Variants in KCNJ6 observed in about 807,000 individuals in gnomAD.
KCNJ6 encodes potassium inwardly rectifying channel subfamily J member 6.
KCNJ6 carries 9 observed loss-of-function variants against 34.2 expected under a neutral mutation model. That is an observed-to-expected ratio of 0.26 (90% CI 0.16 to 0.46). The LOEUF (loss-of-function observed/expected upper bound fraction) is 0.46. KCNJ6 is among the 20% of genes least tolerant of loss of function. KCNJ6 has a pLI of 1.00. For synonymous variants in KCNJ6, 196 were observed against 207.1 expected, an observed-to-expected ratio of 0.95 and a Z score of 0.46; for missense variants, 236 against 531.3, an observed-to-expected ratio of 0.44 and a Z score of 5.46.
chr21:37,658,099 T>C (rs950781810), intron 3 of KCNJ6, among the ~76,000 whole-genome samples: 62 of 150,986 alleles, frequency 4.1e-4, no homozygotes, highest in Admixed American at 1.3e-4. Flanking sequence ...ACAGAATTGC[T>C]TCTAACCTGG....
intron 1 of KCNJ6, among the ~76,000 whole-genome samples, chr21:37,850,589 A>G (rs988323637): frequency 2.0e-5 from 3 of 152,040 alleles, no homozygotes; most frequent in African/African-American, 4.8e-5. Flanking sequence ...GTCCGTGGAA[A>G]AATTGTCTTC....
At chr21:37,906,299 G>A (rs1353114617) in intron 1 of KCNJ6, among the ~76,000 whole-genome samples, 1 of 152,156 alleles carries the variant, frequency 6.6e-6, no homozygotes, top group Non-Finnish European at 1.5e-5. Context: ...ATCTGCCTCT[G>A]CAGTGGGCAT....
intron 2 of KCNJ6, among the ~76,000 whole-genome samples, chr21:37,743,758 A>ATTAC: frequency 6.6e-6 from 1 of 151,928 alleles, no homozygotes; most frequent in East Asian, 1.9e-4. Flanking sequence ...TCTGTTACAG[A>ATTAC]AGCTAAAAAA....
At position 37,824,366 on chromosome 21, in the gene KCNJ6, C is replaced by T. The variant is rs141007596; in HGVS notation, c.25+16292G>A. On this transcript the variant is annotated intron_variant, in intron 2 of 3. Coordinates refer to ENST00000609713, the MANE Select transcript of KCNJ6 (RefSeq NM_002240.5). ...GCAGTTTTACTTCAACCTCTCTCCT[C>T]GTGTTCAACTCCTGTCAGAAATGAC... Among the ~76,000 whole-genome samples, 130 of 152,212 alleles carry T rather than the reference C, an allele frequency of 8.5e-4. 1 individual carries two copies. Among genetic ancestry groups the T allele is most frequent in the African/African-American group, 2.9e-3 (120 of 41,538 alleles).
chr21:37,847,403 TCTCTCAGCCACGGTGCCACCTGCAA>T (rs1568870188), intron 1 of KCNJ6, among the ~76,000 whole-genome samples: 2 of 104 alleles, frequency 0.019, no homozygotes, highest in African/African-American at 0.053. Flanking sequence ...GCACCTGCAC[TCTCTCAGCCACGGTGCCACCTGCAA>T]CCCTAGGAAC....
intron 2 of KCNJ6, among the ~76,000 whole-genome samples, chr21:37,735,083 C>T (rs1306134285): frequency 1.3e-5 from 2 of 152,100 alleles, no homozygotes; most frequent in East Asian, 1.9e-4. Flanking sequence ...TGTCAGCATC[C>T]CCTATTGTCC....
intron 3 of KCNJ6, among the ~76,000 whole-genome samples, chr21:37,706,312 A>C (rs2054719289): frequency 6.6e-6 from 1 of 152,254 alleles, no homozygotes; most frequent in Non-Finnish European, 1.5e-5. Flanking sequence ...ACTGGTTTTC[A>C]AAACCATGAG....
chr21:37,715,749 A>G (rs1242170921), intron 2 of KCNJ6, among the ~76,000 whole-genome samples: 1 of 152,170 alleles, frequency 6.6e-6, no homozygotes, highest in East Asian at 1.9e-4. Context: ...GGGTGCACAC[A>G]AACAGAGGAA....
chr21:37,875,868 T>G (rs2055675634), intron 1 of KCNJ6, among the ~76,000 whole-genome samples: 1 of 152,194 alleles, frequency 6.6e-6, no homozygotes, highest in Admixed American at 6.5e-5. Flanking sequence ...TACTAAATAA[T>G]TCAGGGCTCT....
chr21:37,644,392 G>A (rs952047791), intron 3 of KCNJ6, among the ~76,000 whole-genome samples: 2 of 152,096 alleles, frequency 1.3e-5, no homozygotes, highest in Non-Finnish European at 2.9e-5. Context: ...TTAAAAAAAG[G>A]AGAACTTTTA....
At chr21:37,638,083 G>A (rs966801979) in intron 3 of KCNJ6, among the ~76,000 whole-genome samples, 2 of 152,198 alleles carry the variant, frequency 1.3e-5, no homozygotes, top group African/African-American at 2.4e-5. Context: ...CAGAGTCTAC[G>A]CTGTCAACCA....
At chr21:37,700,838 G>C (rs928098094) in intron 3 of KCNJ6, among the ~76,000 whole-genome samples, 2 of 152,118 alleles carry the variant, frequency 1.3e-5, no homozygotes, top group Non-Finnish European at 2.9e-5. Context: ...GCAGTAGAGT[G>C]TCTTGAGGAG....
At chr21:37,667,181 A>AAAAAAAAAAG (rs2054518426) in intron 3 of KCNJ6, among the ~76,000 whole-genome samples, 1 of 82,600 alleles carries the variant, frequency 1.2e-5, no homozygotes, top group Non-Finnish European at 3.2e-5. Context: ...AAAAAAAAAA[A>AAAAAAAAAAG]AAATTAAATG....
chr21:37,847,279 T>C (rs2055513696), intron 1 of KCNJ6, among the ~76,000 whole-genome samples: 1 of 152,222 alleles, frequency 6.6e-6, no homozygotes. Context: ...TGGTACTGTC[T>C]TCTCTACTTT....
chr21:37,615,241 A>ATTTTTTTTTTTTTTT lies in KCNJ6; in HGVS notation c.*9917_*9918insAAAAAAAAAAAAAAA, dbSNP rs2054262036. On this transcript the variant is annotated 3_prime_UTR_variant, in exon 4 of 4. Transcript: ENST00000609713. ...CAGACCCTCGACTGACATTCCCAGC[A>ATTTTTTTTTTTTTTT]TTCTTTTTTTTTTTTTTTTTTTTTT... The ATTTTTTTTTTTTTTT allele has an allele frequency of 6.3e-5, 7 of 111,854 alleles. 1 individual carries two copies. The highest frequency in any genetic ancestry group is 5.2e-5 in the Non-Finnish European group (3 of 57,968). The allele number at this position is 111,854 out of a possible 1,614,324, so 6.9% of individuals were successfully genotyped here.
intron 2 of KCNJ6, among the ~76,000 whole-genome samples, chr21:37,745,749 A>G (rs2054964687): frequency 6.6e-6 from 1 of 152,202 alleles, no homozygotes; most frequent in African/African-American, 2.4e-5. Flanking sequence ...ATCCTGTGCT[A>G]AGAGCTGGGT....
intron 2 of KCNJ6, among the ~76,000 whole-genome samples, chr21:37,837,797 C>G (rs1182982044): frequency 6.6e-6 from 1 of 151,468 alleles, no homozygotes; most frequent in African/African-American, 2.4e-5. Context: ...TAATTCTTTG[C>G]TCAGCCTACT....
intron 1 of KCNJ6, among the ~76,000 whole-genome samples, chr21:37,899,406 T>C (rs538131124): frequency 6.6e-6 from 1 of 152,336 alleles, no homozygotes; most frequent in African/African-American, 2.4e-5. Flanking sequence ...ATTGTCCTCT[T>C]CTCGTTCTCT....
At chr21:37,732,043 T>C (rs2054888309) in intron 2 of KCNJ6, among the ~76,000 whole-genome samples, 1 of 152,088 alleles carries the variant, frequency 6.6e-6, no homozygotes, top group African/African-American at 2.4e-5. Context: ...GGAAGGGAGA[T>C]GGCAGCGTGG....
Sources: allele counts gnomAD v4.1 joint callset (sites outside exome capture counted in the v4.1 genomes callset), GRCh38; gene constraint gnomAD v4.1.1; transcripts MANE v1.5; gene names NCBI Gene and HGNC (gene_info 2026-07-23, HGNC 2026-07-21).